The following ABCC1 variants were observed in gnomAD, a reference collection of about 807,000 sequenced individuals.
The protein encoded by ABCC1 is multidrug resistance-associated protein 1.
A neutral mutation model predicts 172.9 loss-of-function variants in ABCC1; 83 were observed. The ratio of observed to expected loss-of-function variants is 0.48; its 90% confidence interval spans 0.40 to 0.58. The LOEUF (loss-of-function observed/expected upper bound fraction) is 0.58. Among genes scored for constraint, ABCC1 ranks in the 20% least tolerant of loss-of-function variants. The pLI is 0.00. For missense variants in ABCC1, 1,817 were observed against 2,002.7 expected, an observed-to-expected ratio of 0.91 and a Z score of 1.77; for synonymous variants, 937 against 825.2, an observed-to-expected ratio of 1.14 and a Z score of -2.32.
intron 24 of ABCC1, 84 bp downstream of exon 24, chr16:16,122,258 T>G: frequency 6.7e-7 from 1 of 1,484,998 alleles, no homozygotes; most frequent in Non-Finnish European, 9.3e-7. Context: ...CCTCGCACCT[T>G]GAGCTGGGTA....
chr16:16,108,308 C>T (rs1249858023), intron 21 of ABCC1, among the ~76,000 whole-genome samples: 1 of 126,236 alleles, frequency 7.9e-6, no homozygotes, highest in East Asian at 2.4e-4. Context: ...GAGACGAAGT[C>T]CTGCTGTGTT....
intron 16 of ABCC1, among the ~76,000 whole-genome samples, chr16:16,082,221 G>A (rs1431582142): frequency 6.6e-6 from 1 of 152,078 alleles, no homozygotes; most frequent in Non-Finnish European, 1.5e-5. Context: ...CTGTTCCCTC[G>A]GACTTGAATG....
At chr16:15,983,228 G>A (rs2151594683) in intron 1 of ABCC1, among the ~76,000 whole-genome samples, 1 of 152,178 alleles carries the variant, frequency 6.6e-6, no homozygotes, top group Middle Eastern at 3.4e-3. Context: ...GCAGTGATGG[G>A]GAGAAAGACT....
At chr16:15,953,466 C>T (rs181739420) in intron 1 of ABCC1, among the ~76,000 whole-genome samples, 6 of 152,274 alleles carry the variant, frequency 3.9e-5, no homozygotes, top group African/African-American at 9.6e-5. Context: ...AGGCAGGTTA[C>T]GTCATCTCTC....
intron 27 of ABCC1, 105 bp from the exon 28 acceptor site, chr16:16,134,245 C>T: frequency 1.4e-6 from 2 of 1,440,428 alleles, no homozygotes; most frequent in Non-Finnish European, 1.9e-6. Context: ...GTTGGGTTGA[C>T]CAGATGACTG....
At chr16:16,066,225 C>T (rs1362912485) in intron 12 of ABCC1, among the ~76,000 whole-genome samples, 3 of 152,036 alleles carry the variant, frequency 2.0e-5, no homozygotes, top group African/African-American at 4.8e-5. Flanking sequence ...CCTTGTTGCC[C>T]ACCTGAAGCG....
chr16:16,124,299 T>C (rs2045306340), intron 24 of ABCC1, among the ~76,000 whole-genome samples: 1 of 116,806 alleles, frequency 8.6e-6, no homozygotes, highest in Non-Finnish European at 1.8e-5. Flanking sequence ...GACATCTTTT[T>C]GTTGTTGTTA....
intron 26 of ABCC1, among the ~76,000 whole-genome samples, chr16:16,129,604 C>T (rs1224034995): frequency 6.8e-6 from 1 of 146,136 alleles, no homozygotes; most frequent in African/African-American, 2.5e-5. Flanking sequence ...GTGGTTTTAT[C>T]TTGGCTCACT....
chr16:16,128,162 C>T (rs1469111660), intron 26 of ABCC1, among the ~76,000 whole-genome samples: 1 of 129,076 alleles, frequency 7.7e-6, no homozygotes, highest in Non-Finnish European at 1.6e-5. Flanking sequence ...CCAGTTAAAG[C>T]GTTCAGTTAG....
At chr16:15,984,234 T>C (rs999923836) in intron 1 of ABCC1, among the ~76,000 whole-genome samples, 2 of 152,270 alleles carry the variant, frequency 1.3e-5, no homozygotes, top group Non-Finnish European at 1.5e-5. Context: ...TGTGCACAGA[T>C]GTGCGGCAGC....
At chr16:16,004,905 A>G (rs898328610) in intron 1 of ABCC1, among the ~76,000 whole-genome samples, 1 of 151,746 alleles carries the variant, frequency 6.6e-6, no homozygotes, top group African/African-American at 2.4e-5. Context: ...CAGACTCCTG[A>G]CTGCCTGCCT....
Position 16,102,667 on chromosome 16 carries a change from A to C in ABCC1, c.2685A>C (p.Gln895His), listed in dbSNP as rs1309596948. 2 of 1,592,400 alleles carry C rather than the reference A, an allele frequency of 1.3e-6. No homozygotes were observed. Among genetic ancestry groups the C allele is most frequent in the Non-Finnish European group, 1.7e-6 (2 of 1,169,450 alleles). Residue 895 changes from glutamine (Q) to histidine (H), a missense_variant, in exon 20 of 31, where the codon CAA (glutamine) becomes CAC (histidine). This residue lies in a region of ABCC1 where 1,412 missense variants were observed against 1,600.3 expected (regional missense o/e 0.88). Transcript: ENST00000399410. ...GVSGPGKEAKQMENGMLVTDS... is the reference protein window; with the variant it reads ...GVSGPGKEAKHMENGMLVTDS... ...GCGGTCCAGGGAAGGAAGCAAAGCA[A>C]ATGGAGAATGGCATGCTGGTGACGG...
chr16:16,114,800 C>A lies in ABCC1; in HGVS notation c.3114C>A (p.Ser1038=). 1 of 1,607,536 alleles carries A rather than the reference C, an allele frequency of 6.2e-7. No individual in the cohort carries two copies. The highest frequency in any genetic ancestry group is 1.1e-5 in the South Asian group (1 of 90,978). Residue 1038 remains serine, a synonymous_variant, in exon 23 of 31, where the codon TCC becomes TCA. Transcript: ENST00000399410. ...IAVFGYSMAV[S]IGGILASRCL... ...TGTTTGGCTACTCCATGGCCGTGTCCATCGGGGGGATCTTGGCTTCCCGCT... is the reference window on the plus strand; with the variant it reads ...TGTTTGGCTACTCCATGGCCGTGTCAATCGGGGGGATCTTGGCTTCCCGCT...
At chr16:15,961,351 ACT>A (rs980900234) in intron 1 of ABCC1, among the ~76,000 whole-genome samples, 12 of 151,864 alleles carry the variant, frequency 7.9e-5, no homozygotes, top group Non-Finnish European at 8.8e-5. Flanking sequence ...TTGCTAGAAA[ACT>A]CTTGTTTTAA....
intron 1 of ABCC1, among the ~76,000 whole-genome samples, chr16:15,988,434 TGTTACTGCA>T (rs1567288715): frequency 6.6e-6 from 1 of 152,182 alleles, no homozygotes. Flanking sequence ...CTGTCTGTCC[TGTTACTGCA>T]GTGTCCCCAG....
rs45462796 is a variant in ABCC1 at position 16,136,196 on chromosome 16, G to A, written c.4126-282G>A. 4.6e-3 allele frequency among the ~76,000 whole-genome samples: 700 copies of A among 152,062 alleles called. 3 individuals carry two copies. The highest frequency in any genetic ancestry group is 0.016 in the African/African-American group (681 of 41,484). On this transcript the variant is annotated intron_variant, in intron 28 of 30. Transcript: ENST00000399410. The stretch of plus-strand genomic sequence containing the variant: ...GCACCACCATGCCCAGCTAATTTTT[G>A]TATTTTTACTAGAGACAGGGTGTTG...
At chr16:16,011,025 G>T (rs1369576242) in intron 3 of ABCC1, among the ~76,000 whole-genome samples, 1 of 152,114 alleles carries the variant, frequency 6.6e-6, no homozygotes, top group Non-Finnish European at 1.5e-5. Flanking sequence ...CTTGAGGTCG[G>T]GAATTTGAGA....
chr16:15,973,160 T>A (rs138040176), intron 1 of ABCC1, among the ~76,000 whole-genome samples: 22 of 152,254 alleles, frequency 1.4e-4, no homozygotes, highest in African/African-American at 5.3e-4. Flanking sequence ...GGAAGTTTCA[T>A]ATCACTTTAG....
At chr16:15,989,525 G>T (rs1041438762) in intron 1 of ABCC1, among the ~76,000 whole-genome samples, 8 of 152,114 alleles carry the variant, frequency 5.3e-5, no homozygotes, top group African/African-American at 1.9e-4. Context: ...CGGGCCTCTT[G>T]CACTCCTTTT....
Sources: gnomAD v4.1 joint callset for allele counts (sites outside exome capture counted in the v4.1 genomes callset) on GRCh38, gnomAD v4.1.1 for gene constraint, gnomAD v4.1.1 regional missense constraint, MANE v1.5 for transcripts, NCBI Gene and HGNC (gene_info 2026-07-23, HGNC 2026-07-21) for gene names.